The following CRTAC1 variants were observed in gnomAD, a reference collection of about 807,000 sequenced individuals.
CRTAC1 encodes acidic secreted protein in cartilage.
In CRTAC1, 37 loss-of-function variants were observed where a neutral mutation model predicts 67.8. The ratio of observed to expected loss-of-function variants is 0.55; its 90% CI spans 0.42 to 0.72. The LOEUF (loss-of-function observed/expected upper bound fraction) is 0.72. Ranked by LOEUF, CRTAC1 falls within the 30% of genes least tolerant of loss-of-function variation. The probability of loss-of-function intolerance (pLI) is 0.00; values close to 1 mark genes in which losing one functional copy is unlikely to be tolerated. For synonymous variants in CRTAC1, 348 were observed against 371.0 expected (o/e 0.94, Z 0.71); for missense variants, 780 against 931.6 (o/e 0.84, Z 2.12).
chr10:97,866,853 C>T (rs1405564812), intron 14 of CRTAC1: 1 of 152,304 alleles, frequency 6.6e-6, no homozygotes, highest in African/African-American at 2.4e-5. Context: ...TGTGTGTTCC[C>T]CTTGGCTGCC....
chr10:97,893,741 C>T (rs997702387), intron 11 of CRTAC1, among the ~76,000 whole-genome samples: 17 of 152,238 alleles, frequency 1.1e-4, no homozygotes, highest in African/African-American at 4.1e-4. Flanking sequence ...ATGGTCACAC[C>T]CACCCCTCTC....
At chr10:97,954,223 C>T (rs2051404711) in intron 2 of CRTAC1, among the ~76,000 whole-genome samples, 1 of 152,282 alleles carries the variant, frequency 6.6e-6, no homozygotes, top group East Asian at 1.9e-4. Flanking sequence ...AGAGGATATA[C>T]AGCAAGAACA....
intron 2 of CRTAC1, among the ~76,000 whole-genome samples, chr10:97,971,372 G>T (rs1261367146): frequency 2.0e-5 from 3 of 152,220 alleles, no homozygotes; most frequent in African/African-American, 7.2e-5. Context: ...GAGCCTTGAG[G>T]ACATTATGCT....
At chr10:98,014,201 G>A (rs139529688) in intron 1 of CRTAC1, among the ~76,000 whole-genome samples, 1 of 152,256 alleles carries the variant, frequency 6.6e-6, no homozygotes, top group Non-Finnish European at 1.5e-5. Context: ...CAGAGCAGTC[G>A]GCAGACCAGT....
chr10:97,945,855 G>T (rs778909365), intron 2 of CRTAC1, among the ~76,000 whole-genome samples: 1 of 152,228 alleles, frequency 6.6e-6, no homozygotes, highest in Non-Finnish European at 1.5e-5. Flanking sequence ...AGAATAATCT[G>T]CAGTGATGGT....
At chr10:98,002,303 A>G (rs1168899296) in intron 2 of CRTAC1, among the ~76,000 whole-genome samples, 1 of 152,000 alleles carries the variant, frequency 6.6e-6, no homozygotes, top group East Asian at 1.9e-4. Flanking sequence ...AAATATAAAT[A>G]CTCTTCACTA....
At chr10:97,924,104 C>G (rs953283569) in intron 3 of CRTAC1, among the ~76,000 whole-genome samples, 1 of 151,932 alleles carries the variant, frequency 6.6e-6, no homozygotes, top group African/African-American at 2.4e-5. Flanking sequence ...GGTCTGCACA[C>G]CACACAACAT....
chr10:97,905,000 G>A (rs1047210628), intron 6 of CRTAC1, among the ~76,000 whole-genome samples, 186 bp from the exon 7 acceptor site: 1 of 152,116 alleles, frequency 6.6e-6, no homozygotes, highest in Non-Finnish European at 1.5e-5. Context: ...GGACAGTCAT[G>A]TGCTTGAAAA....
At chr10:97,999,267 C>T (rs1346106311) in intron 2 of CRTAC1, among the ~76,000 whole-genome samples, 1 of 152,222 alleles carries the variant, frequency 6.6e-6, no homozygotes, top group African/African-American at 2.4e-5. Context: ...CAGACCTAGG[C>T]ATCCCTGCAC....
intron 5 of CRTAC1, among the ~76,000 whole-genome samples, chr10:97,915,304 A>G (rs962974375): frequency 2.0e-5 from 3 of 152,174 alleles, no homozygotes; most frequent in African/African-American, 4.8e-5. Context: ...TCTAAGTGCT[A>G]GCTCTCTACC....
intron 5 of CRTAC1, among the ~76,000 whole-genome samples, chr10:97,909,766 C>T (rs2050663572): frequency 6.6e-6 from 1 of 152,186 alleles, no homozygotes; most frequent in Non-Finnish European, 1.5e-5. Flanking sequence ...AGGTTCACTG[C>T]AGCATTATTC....
At chr10:97,923,485 C>T (rs1203665246) in intron 3 of CRTAC1, 85 bp from the exon 4 acceptor site, 3 of 1,552,142 alleles carry the variant, frequency 1.9e-6, no homozygotes, top group East Asian at 4.5e-5. Flanking sequence ...TGGCACCTTT[C>T]ACAAGGTGGT....
In CRTAC1 at chr10:97,879,398, A is replaced by G. The variant is rs148945029; in HGVS notation, c.1819+851T>C. ...CTCACGAGACACTGGAGGATACAAG[A>G]CTATCTTGATTCTTCTGAAGGAGTG... is the stretch of plus-strand genomic sequence containing the variant. On this transcript the variant is annotated intron_variant, in intron 14 of 14. Transcript: ENST00000370597. 7.7e-3 allele frequency among the ~76,000 whole-genome samples: 1,168 copies of G among 152,282 alleles called. 16 individuals carry two copies. Among genetic ancestry groups the G allele is most frequent in the African/African-American group, 0.027 (1,129 of 41,552 alleles).
chr10:97,991,114 AAAAAAAAAAAAAAG>A lies in CRTAC1; in HGVS notation c.224+20010_224+20023del, dbSNP rs1451605736. On this transcript the variant is annotated intron_variant, in intron 2 of 14. Transcript: ENST00000370597. ...ACCATCTCTACAAAAAAAAAAAAAA[AAAAAAAAAAAAAAG>A]ATTATCTCAGTGTTGTGGCATGCAC... is the stretch of plus-strand genomic sequence containing the variant. Among the ~76,000 whole-genome samples the A allele has an allele frequency of 2.5e-3, 369 of 148,600 alleles. 2 individuals carry two copies. Among genetic ancestry groups the A allele is most frequent in the African/African-American group, 8.3e-3 (334 of 40,480 alleles).
intron 3 of CRTAC1, among the ~76,000 whole-genome samples, chr10:97,933,703 C>T (rs1300614057): frequency 6.6e-6 from 1 of 152,238 alleles, no homozygotes; most frequent in Non-Finnish European, 1.5e-5. Context: ...GAAGCATCCT[C>T]AGTCCCTAGA....
rs1423625737 is a variant in CRTAC1, at chr10:97,895,229, C to G, written c.1486+16G>C. 1 of 1,605,648 alleles carries G rather than the reference C, an allele frequency of 6.2e-7. No homozygotes were observed. Among genetic ancestry groups the G allele is most frequent in the Non-Finnish European group, 8.5e-7 (1 of 1,179,544 alleles). On this transcript the variant is annotated intron_variant, in intron 11 of 14. Coordinates refer to ENST00000370597, the MANE Select transcript of CRTAC1 (RefSeq NM_018058.7). This position sits in a 1 kb window ranked among gnomAD's most constrained non-coding sequence, Gnocchi z 4.2. ...CCTGATAACAGCTCACTGTCCCCCA[C>G]CGGACCCCGACTCACCCAGGCCAAA...
At chr10:97,976,826 C>T (rs374812119) in intron 2 of CRTAC1, among the ~76,000 whole-genome samples, 25 of 152,234 alleles carry the variant, frequency 1.6e-4, no homozygotes, top group African/African-American at 6.0e-4. Context: ...TTCTTGATTA[C>T]AGGACTGCAC....
intron 2 of CRTAC1, among the ~76,000 whole-genome samples, chr10:97,997,451 CAAAAAAAAAAAAAAA>C (rs746635057): frequency 2.1e-4 from 10 of 48,234 alleles, no homozygotes; most frequent in African/African-American, 6.9e-4. Flanking sequence ...GACTCTGTCT[CAAAAAAAAAAAAAAA>C]AAAAAAAAAG....
At chr10:98,022,126 C>A (rs770219607) in intron 1 of CRTAC1, among the ~76,000 whole-genome samples, 1 of 151,972 alleles carries the variant, frequency 6.6e-6, no homozygotes. Flanking sequence ...GAGGCCGAGG[C>A]GGGCAGATCA....
Sources: allele counts gnomAD v4.1 joint callset (sites outside exome capture counted in the v4.1 genomes callset), GRCh38; gene constraint gnomAD v4.1.1; non-coding constraint Gnocchi (gnomAD v3.1); transcripts MANE v1.5; gene names NCBI Gene and HGNC (gene_info 2026-07-23, HGNC 2026-07-21).